Variants in EPHB2 observed in about 807,000 individuals in gnomAD.
The protein encoded by EPHB2 is EPH receptor B2.
Under a neutral mutation model 96.4 loss-of-function variants are expected in EPHB2, and 18 were observed. That is an observed-to-expected ratio of 0.19 (90% confidence interval 0.13 to 0.28). The LOEUF (loss-of-function observed/expected upper bound fraction) is 0.28. Ranked by LOEUF, EPHB2 falls within the 10% of genes least tolerant of loss-of-function variation. The probability of loss-of-function intolerance (pLI) is 1.00; values close to 1 mark genes in which losing one functional copy is unlikely to be tolerated. For synonymous variants in EPHB2, 506 were observed against 534.1 expected (o/e 0.95, Z 0.72); for missense variants, 989 against 1,355.4 (o/e 0.73, Z 4.25).
chr1:22,759,840 C>T (rs957594745), intron 1 of EPHB2, among the ~76,000 whole-genome samples: 12 of 152,202 alleles, frequency 7.9e-5, no homozygotes, highest in African/African-American at 2.9e-4. Flanking sequence ...GAGGGATTCT[C>T]TCACCACAGC....
chr1:22,805,962 C>A (rs1644919651), intron 3 of EPHB2, among the ~76,000 whole-genome samples: 1 of 152,188 alleles, frequency 6.6e-6, no homozygotes, highest in South Asian at 2.1e-4. Context: ...CTGAGACCAT[C>A]CATGCCCGCA....
At chr1:22,807,909 G>A (rs146458385) in intron 3 of EPHB2, among the ~76,000 whole-genome samples, 3 of 152,200 alleles carry the variant, frequency 2.0e-5, no homozygotes, top group South Asian at 4.1e-4. Flanking sequence ...CGAGGCAGGC[G>A]GATTAGCTGA....
At chr1:22,831,902 G>C (rs993077343) in intron 3 of EPHB2, among the ~76,000 whole-genome samples, 1 of 152,144 alleles carries the variant, frequency 6.6e-6, no homozygotes, top group African/African-American at 2.4e-5. Flanking sequence ...TACCTAGCCA[G>C]AGGCAGCCAG....
At chr1:22,823,426 C>T (rs1645180598) in intron 3 of EPHB2, among the ~76,000 whole-genome samples, 1 of 152,092 alleles carries the variant, frequency 6.6e-6, no homozygotes, top group Non-Finnish European at 1.5e-5. Context: ...GTGTGGATGG[C>T]CTTTAAGGAG....
At chr1:22,796,480 A>G (rs1644768376) in intron 3 of EPHB2, among the ~76,000 whole-genome samples, 1 of 152,200 alleles carries the variant, frequency 6.6e-6, no homozygotes, top group Non-Finnish European at 1.5e-5. Flanking sequence ...ATGAGACAAC[A>G]GGCCAAGGAG....
intron 1 of EPHB2, among the ~76,000 whole-genome samples, chr1:22,716,160 T>A (rs1039327136): frequency 1.3e-5 from 2 of 152,158 alleles, no homozygotes; most frequent in Admixed American, 1.3e-4. Context: ...GGGAAAATAC[T>A]CAGATTCCTA....
chr1:22,880,174 G>A (rs986082292), intron 5 of EPHB2, among the ~76,000 whole-genome samples: 5 of 152,156 alleles, frequency 3.3e-5, no homozygotes, highest in African/African-American at 7.2e-5. Context: ...GAGGCAGATC[G>A]CCTAGGTCAC....
chr1:22,872,686 C>A (rs1216693271), intron 5 of EPHB2, among the ~76,000 whole-genome samples: 1 of 152,218 alleles, frequency 6.6e-6, no homozygotes, highest in African/African-American at 2.4e-5. Context: ...GTCTGTGACA[C>A]CACTCCACAT....
At chr1:22,865,590 A>G (rs4655133) in intron 5 of EPHB2, among the ~76,000 whole-genome samples, 149,594 of 152,310 alleles carry the variant, frequency 0.98, 73,515 homozygotes, top group East Asian at 1. Flanking sequence ...TTTCCGTGTC[A>G]TTTCCCCACG....
intron 3 of EPHB2, among the ~76,000 whole-genome samples, chr1:22,822,803 G>C (rs906676308): frequency 2.0e-5 from 3 of 152,196 alleles, no homozygotes; most frequent in African/African-American, 4.8e-5. Flanking sequence ...GTGCCCACAG[G>C]GGTCTCCACT....
intron 3 of EPHB2, among the ~76,000 whole-genome samples, chr1:22,815,594 C>A (rs1645064365): frequency 6.6e-6 from 1 of 152,248 alleles, no homozygotes; most frequent in Admixed American, 6.5e-5. Context: ...CCCTTCTTGG[C>A]TCTCAATTTT....
At position 22,766,534 on chromosome 1, in the gene EPHB2, C is replaced by T. The variant is rs188988254; in HGVS notation, c.62-14887C>T. ...ACTGTGCCAGGCCTTGTGCAAAGGGCGTTGTGTCCATACCTATGAGTAGGT... is the reference window on the plus strand; with the variant it reads ...ACTGTGCCAGGCCTTGTGCAAAGGGTGTTGTGTCCATACCTATGAGTAGGT... On this transcript the variant is annotated intron_variant, in intron 1 of 15. Transcript: ENST00000374630. Among the ~76,000 whole-genome samples the T allele has an allele frequency of 2.4e-3, 371 of 152,240 alleles. 2 individuals are homozygous for T. Among genetic ancestry groups the T allele is most frequent in the African/African-American group, 8.3e-3 (344 of 41,526 alleles).
intron 2 of EPHB2, among the ~76,000 whole-genome samples, chr1:22,781,941 A>G (rs1447122709): frequency 6.6e-6 from 1 of 152,128 alleles, no homozygotes; most frequent in Admixed American, 6.5e-5. Context: ...GGCCCTATAG[A>G]TAATAAGTGA....
At chr1:22,791,028 G>C (rs1385627269) in intron 3 of EPHB2, among the ~76,000 whole-genome samples, 2 of 152,110 alleles carry the variant, frequency 1.3e-5, no homozygotes, top group African/African-American at 4.8e-5. Context: ...TGTGACCTTG[G>C]GTGAGCCACT....
At chr1:22,912,330 A>T in intron 14 of EPHB2, 114 bp from the exon 15 acceptor site, 1 of 1,468,150 alleles carries the variant, frequency 6.8e-7, no homozygotes, top group Admixed American at 1.7e-5. Context: ...ACCTGTGTTC[A>T]CATAAATGGA....
chr1:22,737,801 A>G (rs1163674705), intron 1 of EPHB2, among the ~76,000 whole-genome samples: 2 of 152,216 alleles, frequency 1.3e-5, no homozygotes, highest in Non-Finnish European at 2.9e-5. Context: ...GAATGAATGA[A>G]TACATTGTCT....
chr1:22,892,872 G>A lies in EPHB2; in HGVS notation c.1429-12G>A. The A allele has an allele frequency of 2.5e-6, 4 of 1,614,208 alleles. No homozygotes were observed. The highest frequency in any genetic ancestry group is 3.4e-6 in the Non-Finnish European group (4 of 1,180,032). ...CACAACCTCACTAATTTTCTTCTCTGTTCCTCGGCAGGAGCTCAGTGAGTA... is the reference window on the plus strand; with the variant it reads ...CACAACCTCACTAATTTTCTTCTCTATTCCTCGGCAGGAGCTCAGTGAGTA... On this transcript the variant is annotated splice_polypyrimidine_tract_variant and intron_variant, in intron 6 of 15. Transcript: ENST00000374630.
intron 1 of EPHB2, among the ~76,000 whole-genome samples, chr1:22,742,731 G>A (rs747853759): frequency 6.6e-6 from 1 of 151,358 alleles, no homozygotes; most frequent in Non-Finnish European, 1.5e-5. Flanking sequence ...TCAAACTCCT[G>A]ACCTCAAGTG....
intron 1 of EPHB2, among the ~76,000 whole-genome samples, chr1:22,714,018 C>T (rs924672808): frequency 8.5e-5 from 13 of 152,164 alleles, no homozygotes; most frequent in Non-Finnish European, 1.2e-4. Flanking sequence ...CATCCCTGGC[C>T]GATGGAATCC....
Sources: allele counts gnomAD v4.1 joint callset (sites outside exome capture counted in the v4.1 genomes callset), GRCh38; gene constraint gnomAD v4.1.1; transcripts MANE v1.5; gene names NCBI Gene and HGNC (gene_info 2026-07-23, HGNC 2026-07-21).